Variants in DCC observed in about 807,000 individuals in gnomAD.
DCC encodes the protein DCC netrin 1 receptor, also known as netrin receptor DCC.
In DCC, 58 loss-of-function variants were observed where a neutral mutation model predicts 172.5. The observed-to-expected ratio is 0.34, with a 90% CI of 0.27 to 0.42. The LOEUF is 0.42. DCC is among the 10% of genes least tolerant of loss of function. The pLI is 1.00. For synonymous variants in DCC, 709 were observed against 644.5 expected (o/e 1.10, Z -1.52); for missense variants, 1,740 against 1,791.0 (o/e 0.97, Z 0.51).
intron 12 of DCC, among the ~76,000 whole-genome samples, chr18:53,256,086 T>G (rs978450503): frequency 2.6e-5 from 4 of 152,222 alleles, no homozygotes; most frequent in Admixed American, 6.5e-5. Context: ...TAAATTTGTT[T>G]GAGTTCATTG....
intron 14 of DCC, among the ~76,000 whole-genome samples, chr18:53,325,132 G>A (rs769772007): frequency 9.8e-5 from 14 of 143,308 alleles, no homozygotes; most frequent in African/African-American, 2.6e-4. Context: ...GGCAGAGGTA[G>A]CAGTGAGCCG....
chr18:52,351,620 C>T (rs1028728508), intron 1 of DCC, among the ~76,000 whole-genome samples: 1 of 152,098 alleles, frequency 6.6e-6, no homozygotes, highest in African/African-American at 2.4e-5. Flanking sequence ...TATCACTGAA[C>T]AGAGGGAAAC....
chr18:52,610,226 T>TAA (rs2034245504), intron 1 of DCC, among the ~76,000 whole-genome samples: 3 of 73,094 alleles, frequency 4.1e-5, no homozygotes, highest in African/African-American at 1.1e-4. Flanking sequence ...TATATATATA[T>TAA]AAAATTAGCC....
intron 1 of DCC, among the ~76,000 whole-genome samples, chr18:52,644,641 G>A (rs951393005): frequency 1.3e-5 from 2 of 151,322 alleles, no homozygotes; most frequent in Non-Finnish European, 2.9e-5. Flanking sequence ...TATAATTCCA[G>A]TTAGTTGGGA....
At chr18:53,285,667 C>T (rs927864249) in intron 12 of DCC, among the ~76,000 whole-genome samples, 2 of 152,196 alleles carry the variant, frequency 1.3e-5, no homozygotes, top group Non-Finnish European at 1.5e-5. Flanking sequence ...ATGAGAAGAG[C>T]ACCACCATCC....
At chr18:52,794,600 T>C (rs2037837678) in intron 2 of DCC, among the ~76,000 whole-genome samples, 1 of 152,096 alleles carries the variant, frequency 6.6e-6, no homozygotes, top group South Asian at 2.1e-4. Flanking sequence ...TGATTGTTCT[T>C]TCTTTTTCCA....
In DCC at chr18:53,339,816, A is replaced by T; in HGVS notation, c.2268A>T (p.Arg756=). ...CCTTGAACCCAAACATCGTGGTGCG[A>T]GGTTATATTATCGGTTATGGCGTTG... ...TPPLNPNIVV[R]GYIIGYGVGS... The change falls in exon 15 of 29, where the codon CGA becomes CGT. Residue 756 remains arginine, a synonymous_variant. Transcript: ENST00000442544. 6.2e-7 allele frequency: 1 copy of T among 1,613,954 alleles called. No individual in the cohort carries two copies. Among genetic ancestry groups the T allele is most frequent in the Non-Finnish European group, 8.5e-7 (1 of 1,179,952 alleles).
chr18:53,285,127 T>A (rs1156305303), intron 12 of DCC, among the ~76,000 whole-genome samples: 2 of 152,116 alleles, frequency 1.3e-5, no homozygotes, highest in African/African-American at 4.8e-5. Context: ...AAATCCGATT[T>A]TCTGAGGAGA....
intron 1 of DCC, among the ~76,000 whole-genome samples, chr18:52,422,970 G>A (rs991988172): frequency 6.6e-6 from 1 of 152,112 alleles, no homozygotes; most frequent in Non-Finnish European, 1.5e-5. Context: ...GTGTTAGGTA[G>A]GACAGAATTG....
chr18:53,378,794 A>G (rs1389206609), intron 15 of DCC, among the ~76,000 whole-genome samples: 2 of 152,196 alleles, frequency 1.3e-5, no homozygotes, highest in African/African-American at 4.8e-5. Context: ...ACTTTCTCAC[A>G]CTGAGTAGGT....
intron 1 of DCC, among the ~76,000 whole-genome samples, chr18:52,356,871 C>T (rs1366610718): frequency 3.3e-5 from 5 of 152,108 alleles, no homozygotes; most frequent in African/African-American, 1.2e-4. Context: ...CAACCTCCAC[C>T]TCCTGGGTTC....
chr18:53,147,187 A>G (rs1486508833), intron 7 of DCC, among the ~76,000 whole-genome samples: 1 of 152,098 alleles, frequency 6.6e-6, no homozygotes, highest in Admixed American at 6.5e-5. Context: ...CATTTTCTTC[A>G]CTGCAGTACA....
At chr18:53,163,279 T>C (rs1276328052) in intron 8 of DCC, among the ~76,000 whole-genome samples, 1 of 152,162 alleles carries the variant, frequency 6.6e-6, no homozygotes, top group Non-Finnish European at 1.5e-5. Context: ...TCTTACCCAG[T>C]AAAATAAATT....
chr18:53,088,135 T>C (rs1178237055), intron 7 of DCC, among the ~76,000 whole-genome samples: 2 of 152,204 alleles, frequency 1.3e-5, no homozygotes, highest in Admixed American at 6.5e-5. Flanking sequence ...TCCAATTCTG[T>C]GAAGAAAGTC....
At chr18:53,030,056 G>T (rs1169212983) in intron 5 of DCC, among the ~76,000 whole-genome samples, 2 of 152,156 alleles carry the variant, frequency 1.3e-5, no homozygotes, top group African/African-American at 4.8e-5. Flanking sequence ...CTTTCCCCTA[G>T]TTTAACCTTT....
At chr18:53,324,852 A>G (rs2057450091) in intron 14 of DCC, among the ~76,000 whole-genome samples, 1 of 152,126 alleles carries the variant, frequency 6.6e-6, no homozygotes, top group Non-Finnish European at 1.5e-5. Context: ...TGAAGTATAC[A>G]TTATTAGCCT....
intron 28 of DCC, among the ~76,000 whole-genome samples, chr18:53,527,515 A>G (rs1186208554): frequency 3.9e-5 from 6 of 152,048 alleles, no homozygotes; most frequent in Non-Finnish European, 1.5e-5. Flanking sequence ...AGGAAAAAAT[A>G]TAAAATAAAA....
chr18:53,146,502 A>G (rs2043918224), intron 7 of DCC, among the ~76,000 whole-genome samples: 1 of 152,222 alleles, frequency 6.6e-6, no homozygotes, highest in Non-Finnish European at 1.5e-5. Context: ...CCTATTTACG[A>G]GGGCAGAGCC....
intron 15 of DCC, among the ~76,000 whole-genome samples, chr18:53,370,955 A>G (rs577129782): frequency 6.6e-6 from 1 of 151,938 alleles, no homozygotes; most frequent in South Asian, 2.1e-4. Flanking sequence ...TCTCTCGTCT[A>G]AGATATTTTC....
Sources: gnomAD v4.1 joint callset for allele counts (sites outside exome capture counted in the v4.1 genomes callset) on GRCh38, gnomAD v4.1.1 for gene constraint, MANE v1.5 for transcripts, NCBI Gene and HGNC (gene_info 2026-07-23, HGNC 2026-07-21) for gene names.